SULF2: variants seen among roughly 807,000 people sequenced by gnomAD.
The protein encoded by SULF2 is sulfatase 2, also known as extracellular sulfatase Sulf-2.
In SULF2, 52 loss-of-function variants were observed where a neutral mutation model predicts 107.7. The observed-to-expected ratio is 0.48, with a 90% CI of 0.39 to 0.61. SULF2 has a LOEUF of 0.61. Among genes scored for constraint, SULF2 ranks in the 20% least tolerant of loss-of-function variants. The pLI, the probability that SULF2 is intolerant of heterozygous loss-of-function variation, is 0.00. For missense variants in SULF2, 993 were observed against 1,177.3 expected, an observed-to-expected ratio of 0.84 and a Z score of 2.29; for synonymous variants, 460 against 464.3, an observed-to-expected ratio of 0.99 and a Z score of 0.12.
In SULF2 at chr20:47,784,204, C is replaced by A. The variant is rs1243516548; in HGVS notation, c.-101+1139G>T. Among the ~76,000 whole-genome samples, 3 of 152,172 alleles carry A rather than the reference C, an allele frequency of 2.0e-5. No homozygotes were observed. The East Asian group carries it at 5.8e-4, about 29-fold the overall frequency. On this transcript the variant is annotated intron_variant, in intron 1 of 20. Transcript: ENST00000688720. The stretch of plus-strand genomic sequence containing the variant: ...GGGGGTGGACCCGGTGGGAAACAGG[C>A]AGGGGACAGATGGAGGGGCGAGAGG...
chr20:47,692,064 A>G (rs1404809270), intron 4 of SULF2, among the ~76,000 whole-genome samples: 1 of 152,140 alleles, frequency 6.6e-6, no homozygotes, highest in Admixed American at 6.5e-5. Flanking sequence ...CAGCACCCAT[A>G]CAACTCTTCC....
intron 1 of SULF2, among the ~76,000 whole-genome samples, chr20:47,774,951 C>T (rs1359826999): frequency 6.6e-6 from 1 of 152,200 alleles, no homozygotes; most frequent in Non-Finnish European, 1.5e-5. Context: ...GCTAGTAACT[C>T]CTGCGCCAAG....
chr20:47,764,245 G>A (rs147449914), intron 1 of SULF2, among the ~76,000 whole-genome samples: 2 of 152,314 alleles, frequency 1.3e-5, no homozygotes, highest in East Asian at 3.8e-4. Context: ...ATTTCTTTGC[G>A]GATGTCCTCC....
chr20:47,778,110 C>T (rs2090757198), intron 1 of SULF2, among the ~76,000 whole-genome samples: 1 of 152,290 alleles, frequency 6.6e-6, no homozygotes, highest in African/African-American at 2.4e-5. Flanking sequence ...CACTGCACTC[C>T]AGCCTGGATG....
At chr20:47,711,410 C>A (rs2088923919) in intron 3 of SULF2, among the ~76,000 whole-genome samples, 1 of 152,238 alleles carries the variant, frequency 6.6e-6, no homozygotes, top group South Asian at 2.1e-4. Context: ...AACTGACAGG[C>A]ATGCGAAGGG....
At chr20:47,712,035 C>T (rs2088949122) in intron 3 of SULF2, among the ~76,000 whole-genome samples, 1 of 152,218 alleles carries the variant, frequency 6.6e-6, no homozygotes, top group African/African-American at 2.4e-5. Flanking sequence ...CACATATACA[C>T]ACATACACGA....
chr20:47,785,137 G>T (rs1332158453), intron 1 of SULF2, among the ~76,000 whole-genome samples: 3 of 151,946 alleles, frequency 2.0e-5, no homozygotes, highest in Admixed American at 6.5e-5. Flanking sequence ...CTCTGCGGAC[G>T]GCCGGCGCCG....
intron 3 of SULF2, among the ~76,000 whole-genome samples, chr20:47,712,537 AGGCAGG>A (rs2088966825): frequency 6.6e-6 from 1 of 152,156 alleles, no homozygotes; most frequent in African/African-American, 2.4e-5. Flanking sequence ...GGGGTCCGTA[AGGCAGG>A]AGCCGTGCTG....
chr20:47,692,976 T>G (rs1383390499), intron 4 of SULF2, among the ~76,000 whole-genome samples: 2 of 152,146 alleles, frequency 1.3e-5, no homozygotes, highest in African/African-American at 4.8e-5. Context: ...AGGAAAAATC[T>G]GGAAGGATAT....
At chr20:47,674,143 C>T (rs1178480497) in intron 10 of SULF2, among the ~76,000 whole-genome samples, 1 of 152,248 alleles carries the variant, frequency 6.6e-6, no homozygotes, top group Non-Finnish European at 1.5e-5. Flanking sequence ...AAATATGTGG[C>T]CTGCAAAGCC....
chr20:47,681,883 C>T (rs1006608271), intron 7 of SULF2, among the ~76,000 whole-genome samples: 1 of 152,146 alleles, frequency 6.6e-6, no homozygotes, highest in Admixed American at 6.5e-5. Context: ...CAGGGTTTCA[C>T]CATGTTGGCC....
chr20:47,660,964 A>G (rs745808577), intron 18 of SULF2, among the ~76,000 whole-genome samples: 3 of 152,222 alleles, frequency 2.0e-5, no homozygotes, highest in Non-Finnish European at 4.4e-5. Context: ...CTCTAGTCCA[A>G]GCCACCACCA....
chr20:47,676,000 G>A (rs935112143), intron 10 of SULF2, among the ~76,000 whole-genome samples: 6 of 152,274 alleles, frequency 3.9e-5, no homozygotes, highest in Admixed American at 1.3e-4. Context: ...TGGAGTAGCT[G>A]GGACCTCAGG....
Position 47,659,690 on chromosome 20 carries a change from G to A in SULF2, c.2528+7C>T, listed in dbSNP as rs370694166. The stretch of plus-strand genomic sequence containing the variant: ...TTTGTTTAGGCTTTAATAATAAAAC[G>A]AAATACCTGTATTGCTCATAGCTTC... On this transcript the variant is annotated splice_region_variant and intron_variant, in intron 19 of 20. Transcript: ENST00000688720. 45 of 1,610,436 alleles carry A rather than the reference G, an allele frequency of 2.8e-5. No homozygotes were observed. Among genetic ancestry groups the A allele is most frequent in the South Asian group, 6.6e-5 (6 of 90,862 alleles).
chr20:47,772,490 T>TA (rs1486884625), intron 1 of SULF2, among the ~76,000 whole-genome samples: 1 of 152,188 alleles, frequency 6.6e-6, no homozygotes, highest in Non-Finnish European at 1.5e-5. Flanking sequence ...CCTCTGCGCT[T>TA]CCCCTTACAT....
At chr20:47,676,781 A>T in intron 9 of SULF2, 158 bp from the exon 10 acceptor site, 1 of 836,206 alleles carries the variant, frequency 1.2e-6, no homozygotes, top group South Asian at 1.9e-5. Flanking sequence ...ATGTTTAGGA[A>T]ACTTAAGACA....
intron 3 of SULF2, among the ~76,000 whole-genome samples, chr20:47,712,145 T>C (rs2088954183): frequency 6.6e-6 from 1 of 152,252 alleles, no homozygotes; most frequent in African/African-American, 2.4e-5. Context: ...AACTTCCAAC[T>C]GGACTTCTGC....
intron 7 of SULF2, among the ~76,000 whole-genome samples, chr20:47,679,249 A>G (rs749452931): frequency 6.6e-6 from 1 of 151,978 alleles, no homozygotes; most frequent in Non-Finnish European, 1.5e-5. Context: ...TCTGCCTGGA[A>G]TGTCCTTTCC....
rs144679636 is a variant in SULF2 at position 47,670,043 on chromosome 20, G to C, written c.1576+2155C>G. On this transcript the variant is annotated intron_variant, in intron 11 of 20. Coordinates refer to ENST00000688720, the MANE Select transcript of SULF2 (RefSeq NM_001387048.1). ...CTGGGAAACGGTGTTTCAGGCAGTG[G>C]CTGGGCTGTTATGGAGAGAGACTTA... 3.0e-3 allele frequency among the ~76,000 whole-genome samples: 456 copies of C among 152,280 alleles called. 2 individuals carry two copies. The highest frequency in any genetic ancestry group is 0.01 in the African/African-American group (435 of 41,548).
Sources: allele counts gnomAD v4.1 joint callset (sites outside exome capture counted in the v4.1 genomes callset), GRCh38; gene constraint gnomAD v4.1.1; transcripts MANE v1.5; gene names NCBI Gene and HGNC (gene_info 2026-07-23, HGNC 2026-07-21).